Variants in ZNF487 observed in about 807,000 individuals in gnomAD.
ZNF487 encodes zinc finger protein 487, also known as KRAB domain only 1.
Under a neutral mutation model 3.0 loss-of-function variants are expected in ZNF487, and 4 were observed. The ratio of observed to expected loss-of-function variants is 1.35; its 90% CI spans 0.66 to 3.08. The LOEUF (loss-of-function observed/expected upper bound fraction) is 3.08, where lower values mean the gene tolerates loss of function less well. Among genes scored for constraint, ZNF487 ranks in the 30% most tolerant of loss-of-function variants. The pLI, the probability that ZNF487 is intolerant of heterozygous loss-of-function variation, is 0.01. For synonymous variants in ZNF487, 55 were observed against 34.6 expected (o/e 1.59, Z -2.06); for missense variants, 146 against 98.7 (o/e 1.48, Z -2.03).
the ZNF487 span, among the ~76,000 whole-genome samples, chr10:43,509,802 C>T: frequency 6.6e-6 from 1 of 151,982 alleles, no homozygotes; most frequent in Non-Finnish European, 1.5e-5. Context: ...CTTTGGCAAC[C>T]CCCTCACAGA....
At chr10:43,467,710 G>A (rs1434762413) in intron 1 of ZNF487, among the ~76,000 whole-genome samples, 2 of 151,698 alleles carry the variant, frequency 1.3e-5, no homozygotes, top group Non-Finnish European at 2.9e-5. Context: ...CCAGCTACTC[G>A]GGAGGCTGGG....
At chr10:43,468,584 C>T (rs1362783963) in intron 1 of ZNF487, among the ~76,000 whole-genome samples, 1 of 145,236 alleles carries the variant, frequency 6.9e-6, no homozygotes, top group African/African-American at 2.6e-5. Flanking sequence ...GAGGTTGAGG[C>T]AGGATAATTG....
At chr10:43,450,022 C>A (rs1264070458) in intron 1 of ZNF487, among the ~76,000 whole-genome samples, 2 of 151,986 alleles carry the variant, frequency 1.3e-5, no homozygotes, top group African/African-American at 4.8e-5. Flanking sequence ...AATTTAAATA[C>A]TGATACTTGA....
chr10:43,483,399 C>T (rs1841435905), downstream of ZNF487, among the ~76,000 whole-genome samples: 3 of 152,104 alleles, frequency 2.0e-5, no homozygotes, highest in Admixed American at 2.0e-4. Context: ...CGCCACCATG[C>T]CCGGCTAATT....
At chr10:43,517,105 A>G in the ZNF487 span, among the ~76,000 whole-genome samples, 100 of 152,322 alleles carry the variant, frequency 6.6e-4, 3 homozygotes, top group African/African-American at 2.2e-3. Flanking sequence ...TACTTTTGAC[A>G]CACTAATTCA....
At chr10:43,469,697 C>T (rs1840835971) in intron 1 of ZNF487, among the ~76,000 whole-genome samples, 2 of 152,008 alleles carry the variant, frequency 1.3e-5, no homozygotes, top group South Asian at 4.1e-4. Context: ...CACGGTGGCT[C>T]ATGCACTTTG....
chr10:43,482,389 G>T lies in ZNF487; in HGVS notation c.*467G>T, dbSNP rs1410162446. The stretch of plus-strand genomic sequence containing the variant: ...AATCCTCTTTTATCCTACAGCAGAG[G>T]ATACACAGAGGAGAGAAACCCTATG... On this transcript the variant is annotated 3_prime_UTR_variant, in exon 4 of 4. Transcript: ENST00000437590. 2.1e-6 allele frequency: 1 copy of T among 467,608 alleles called. No individual in the cohort carries two copies. Among genetic ancestry groups the T allele is most frequent in the Non-Finnish European group, 4.4e-6 (1 of 229,538 alleles). 29.0% of individuals were successfully genotyped at this position (467,608 alleles called of 1,614,324 possible).
chr10:43,446,791 T>G (rs548938748), intron 1 of ZNF487, among the ~76,000 whole-genome samples: 1 of 151,968 alleles, frequency 6.6e-6, no homozygotes, highest in South Asian at 2.1e-4. Context: ...CTAGACCGGG[T>G]GGCGGCTGGG....
At chr10:43,513,758 G>A in the ZNF487 span, among the ~76,000 whole-genome samples, 6 of 152,076 alleles carry the variant, frequency 3.9e-5, no homozygotes, top group South Asian at 2.1e-4. Flanking sequence ...GGGTAAGTCC[G>A]GGGACCCACT....
At chr10:43,438,394 C>T (rs1426408392) in intron 1 of ZNF487, among the ~76,000 whole-genome samples, 1 of 152,154 alleles carries the variant, frequency 6.6e-6, no homozygotes, top group African/African-American at 2.4e-5. Flanking sequence ...CCTTGTTGGC[C>T]AGGCTGGTCT....
downstream of ZNF487, among the ~76,000 whole-genome samples, chr10:43,484,558 G>A (rs1248822722): frequency 1.3e-5 from 2 of 152,056 alleles, no homozygotes; most frequent in African/African-American, 4.8e-5. Flanking sequence ...AGTGAGCCGA[G>A]ATCATGCCAC....
chr10:43,462,065 G>T (rs1677657651), intron 1 of ZNF487, among the ~76,000 whole-genome samples: 1 of 152,128 alleles, frequency 6.6e-6, no homozygotes, highest in African/African-American at 2.4e-5. Context: ...TTTTAGTTAA[G>T]GTCAGCAGTG....
intron 3 of ZNF487, 87 bp from the exon 4 acceptor site, chr10:43,481,342 A>AG: frequency 1.6e-6 from 1 of 630,366 alleles, no homozygotes; most frequent in Non-Finnish European, 2.8e-6. Flanking sequence ...CAAAAAAAAA[A>AG]AGAAAAAAAA....
chr10:43,481,089 T>A (rs369290784), intron 3 of ZNF487, among the ~76,000 whole-genome samples: 1 of 152,114 alleles, frequency 6.6e-6, no homozygotes, highest in South Asian at 2.1e-4. Context: ...TGAGCTGTGA[T>A]GCTGCCACTG....
chr10:43,470,542 C>T lies in ZNF487; in HGVS notation c.-93-5179C>T, dbSNP rs566022027. Among the ~76,000 whole-genome samples, 88 of 152,264 alleles carry T rather than the reference C, an allele frequency of 5.8e-4. 1 individual carries two copies. Among genetic ancestry groups the T allele is most frequent in the African/African-American group, 2.0e-3 (85 of 41,562 alleles). On this transcript the variant is annotated intron_variant, in intron 1 of 3. Transcript: ENST00000437590. ...GGGATTACAGGCATGCGTCACCACA[C>T]CTGGCTAATTTTTTTGTATTTTTAG... is the stretch of plus-strand genomic sequence containing the variant.
Position 43,479,349 on chromosome 10 carries a change from A to C in ZNF487, c.131-2080A>C, listed in dbSNP as rs573745802. 1.4e-4 allele frequency among the ~76,000 whole-genome samples: 22 copies of C among 152,198 alleles called. No homozygotes were observed. In the South Asian group the frequency reaches 4.6e-3, roughly 31 times the overall value. ...TGGTCCCATTTATAATCTAAGAAGCATGATACTATTTTAGTGATCTATTTT... is the reference window on the plus strand; with the variant it reads ...TGGTCCCATTTATAATCTAAGAAGCCTGATACTATTTTAGTGATCTATTTT... On this transcript the variant is annotated intron_variant, in intron 3 of 3. Transcript: ENST00000437590.
chr10:43,480,908 G>A (rs985511592), intron 3 of ZNF487, among the ~76,000 whole-genome samples: 2 of 152,142 alleles, frequency 1.3e-5, no homozygotes, highest in East Asian at 3.8e-4. Flanking sequence ...GATCGCATAA[G>A]TGAAATCTCA....
intron 3 of ZNF487, among the ~76,000 whole-genome samples, chr10:43,479,125 GTA>G (rs35974301): frequency 0.77 from 113,220 of 147,962 alleles, 44,473 homozygotes; most frequent in East Asian, 0.96. Context: ...ATATATGTGT[GTA>G]TATATATATA....
chr10:43,458,687 G>C (rs1840310215), intron 1 of ZNF487, among the ~76,000 whole-genome samples: 1 of 151,744 alleles, frequency 6.6e-6, no homozygotes, highest in Non-Finnish European at 1.5e-5. Context: ...ACTTAGTAGA[G>C]AGTCTTCAGT....
Sources: allele counts gnomAD v4.1 joint callset (sites outside exome capture counted in the v4.1 genomes callset), GRCh38; gene constraint gnomAD v4.1.1; transcripts MANE v1.5; gene names NCBI Gene and HGNC (gene_info 2026-07-23, HGNC 2026-07-21).